Variants in C6orf89 observed in about 807,000 individuals in gnomAD.
C6orf89 encodes bombesin receptor-activated protein C6orf89.
C6orf89 carries 29 observed loss-of-function variants against 40.7 expected under a neutral mutation model. The ratio of observed to expected loss-of-function variants is 0.71; its 90% confidence interval spans 0.53 to 0.97. C6orf89 has a LOEUF of 0.97. Among genes scored for constraint, C6orf89 ranks in the 50% least tolerant of loss-of-function variants. C6orf89 has a pLI of 0.00. For synonymous variants in C6orf89, 165 were observed against 152.2 expected (o/e 1.08, Z -0.62); for missense variants, 392 against 429.1 (o/e 0.91, Z 0.76).
At chr6:36,888,959 A>C (rs1775094691) in intron 1 of C6orf89, among the ~76,000 whole-genome samples, 1 of 152,210 alleles carries the variant, frequency 6.6e-6, no homozygotes, top group African/African-American at 2.4e-5. Flanking sequence ...TTATAGACAC[A>C]TTACATACAG....
Position 36,927,576 on chromosome 6 carries a change from C to A in C6orf89, c.*4135C>A, listed in dbSNP as rs946864026. 6.6e-6 allele frequency: 1 copy of A among 152,352 alleles called. No individual in the cohort carries two copies. The highest frequency in any genetic ancestry group is 2.1e-4 in the South Asian group (1 of 4,834). The allele number at this position is 152,352 out of a possible 1,614,324, so 9.4% of individuals were successfully genotyped here. A position where few individuals can be genotyped will look rare whatever the true frequency, so the allele number is the denominator to read the frequency against. On this transcript the variant is annotated 3_prime_UTR_variant, in exon 9 of 9. Coordinates refer to ENST00000480824, the MANE Select transcript of C6orf89 (RefSeq NM_001286635.2). ...AGCTCTCTTGAGTATACAAGTTCCA[C>A]ACTCATTACCTTTCAGTGGTGACCC... is the stretch of plus-strand genomic sequence containing the variant.
chr6:36,917,669 A>G (rs1762373866), intron 7 of C6orf89, among the ~76,000 whole-genome samples: 2 of 152,182 alleles, frequency 1.3e-5, no homozygotes, highest in Admixed American at 6.5e-5. Flanking sequence ...TCTAGAAGTA[A>G]GAAGTTCTGT....
At chr6:36,890,598 A>ATC (rs751368506) in intron 1 of C6orf89, among the ~76,000 whole-genome samples, 8 of 152,162 alleles carry the variant, frequency 5.3e-5, no homozygotes, top group Non-Finnish European at 1.2e-4. Flanking sequence ...CCATGATGTG[A>ATC]TCTCTGCTCA....
intron 1 of C6orf89, among the ~76,000 whole-genome samples, chr6:36,893,389 T>C (rs1316346418): frequency 1.3e-5 from 2 of 152,110 alleles, no homozygotes; most frequent in East Asian, 1.9e-4. Context: ...ACGACTGATA[T>C]AACCAAAGCC....
intron 3 of C6orf89, among the ~76,000 whole-genome samples, chr6:36,901,321 ATTT>A (rs60381134): frequency 1.6e-4 from 3 of 19,014 alleles, no homozygotes; most frequent in African/African-American, 1.7e-4. Context: ...TATTATTATT[ATTT>A]TTTTTTTTTT....
intron 1 of C6orf89, chr6:36,874,581 GGCCGTCT>G: frequency 8.3e-7 from 1 of 1,198,200 alleles, no homozygotes; most frequent in South Asian, 1.3e-5. Context: ...ACCCTCTGGG[GGCCGTCT>G]CGGCCGCTGC....
At chr6:36,891,425 G>C (rs996557417) in intron 1 of C6orf89, among the ~76,000 whole-genome samples, 4 of 152,122 alleles carry the variant, frequency 2.6e-5, no homozygotes, top group African/African-American at 7.2e-5. Context: ...CCAAGTCTTT[G>C]CTATTTGTGA....
rs544352662 is a variant in C6orf89, at chr6:36,927,441, A to G, written c.*4000A>G. The G allele has an allele frequency of 6.6e-6, 1 of 152,344 alleles. No individual in the cohort carries two copies. The highest frequency in any genetic ancestry group is 1.9e-4 in the East Asian group (1 of 5,186). The allele number at this position is 152,344 out of a possible 1,614,324, so 9.4% of individuals were successfully genotyped here. A position where few individuals can be genotyped will look rare whatever the true frequency, so the allele number is the denominator to read the frequency against. On this transcript the variant is annotated 3_prime_UTR_variant, in exon 9 of 9. Transcript: ENST00000480824. ...CCAGGTTATAGGAGAAAGAGAGAGA[A>G]AGGCGCATGTCTGTTTGCACAGAGA...
At chr6:36,877,572 G>A (rs572884233) in intron 1 of C6orf89, among the ~76,000 whole-genome samples, 1 of 152,062 alleles carries the variant, frequency 6.6e-6, no homozygotes, top group Non-Finnish European at 1.5e-5. Flanking sequence ...CTTGTGATCT[G>A]CCCACCTTGG....
chr6:36,909,028 G>T (rs565854274), intron 4 of C6orf89, among the ~76,000 whole-genome samples: 4 of 152,068 alleles, frequency 2.6e-5, no homozygotes, highest in Non-Finnish European at 5.9e-5. Context: ...TACATCTGTG[G>T]CCACCCTATC....
chr6:36,910,706 G>A (rs577363516), intron 4 of C6orf89, among the ~76,000 whole-genome samples: 16 of 150,398 alleles, frequency 1.1e-4, no homozygotes, highest in African/African-American at 3.2e-4. Flanking sequence ...CAGCCTGGGC[G>A]ACAGAGCAAG....
At position 36,878,327 on chromosome 6, in the gene C6orf89, A is replaced by G. The variant is rs78637052; in HGVS notation, c.-627-681A>G. ...CTCTGTAGCTATAGCATTAGTCTGAACCCAGTAGTATTTTGTTTGCAGATT... is the reference window on the plus strand; with the variant it reads ...CTCTGTAGCTATAGCATTAGTCTGAGCCCAGTAGTATTTTGTTTGCAGATT... On this transcript the variant is annotated intron_variant, in intron 1 of 9. Coordinates refer to the C6orf89 transcript ENST00000359359. 0.023 allele frequency among the ~76,000 whole-genome samples: 3,489 copies of G among 152,286 alleles called. 225 individuals carry two copies. In the East Asian group the frequency reaches 0.26, roughly 11 times the overall value.
intron 4 of C6orf89, among the ~76,000 whole-genome samples, chr6:36,912,831 A>G (rs1185171590): frequency 6.6e-6 from 1 of 152,244 alleles, no homozygotes; most frequent in Non-Finnish European, 1.5e-5. Flanking sequence ...CCTATGCCCC[A>G]CTACTACTGC....
chr6:36,894,428 G>A (rs1761348915), intron 1 of C6orf89, 76 bp from the exon 2 acceptor site: 2 of 512,738 alleles, frequency 3.9e-6, no homozygotes, highest in Non-Finnish European at 2.5e-6. Context: ...CAGGAAAATG[G>A]CATCTCAGAA....
intron 1 of C6orf89, among the ~76,000 whole-genome samples, chr6:36,891,248 G>A (rs1010006934): frequency 4.6e-5 from 7 of 152,094 alleles, no homozygotes; most frequent in African/African-American, 1.7e-4. Context: ...ACGGTGTTTG[G>A]TTTTCTGTCC....
chr6:36,920,856 T>A (rs891880879), intron 8 of C6orf89, among the ~76,000 whole-genome samples: 1 of 152,222 alleles, frequency 6.6e-6, no homozygotes, highest in Non-Finnish European at 1.5e-5. Flanking sequence ...AACAAGTTTC[T>A]GTTTTATATT....
chr6:36,872,531 T>C lies in C6orf89; in HGVS notation c.-628+564T>C, dbSNP rs555875127. ...TTTCCTCACCAGTACTACTAAAAGA[T>C]AAGGAAGAGGCAAGAGAAAGGACGA... is the stretch of plus-strand genomic sequence containing the variant. On this transcript the variant is annotated intron_variant, in intron 1 of 9. Transcript: ENST00000359359. Among the ~76,000 whole-genome samples the C allele has an allele frequency of 9.2e-5, 14 of 152,188 alleles. No homozygotes were observed. The South Asian group carries it at 2.7e-3, about 29-fold the overall frequency.
At chr6:36,880,543 C>T (rs917219014) in intron 2 of C6orf89, among the ~76,000 whole-genome samples, 1 of 152,094 alleles carries the variant, frequency 6.6e-6, no homozygotes, top group East Asian at 1.9e-4. Context: ...CCTCTTGGTT[C>T]ATGTAACTTT....
intron 6 of C6orf89, among the ~76,000 whole-genome samples, chr6:36,915,247 T>C (rs1323370284): frequency 6.6e-6 from 1 of 152,216 alleles, no homozygotes; most frequent in Non-Finnish European, 1.5e-5. Flanking sequence ...TTTCGAAGTA[T>C]GCATTTAGCA....
Sources: gnomAD v4.1 joint callset for allele counts (sites outside exome capture counted in the v4.1 genomes callset) on GRCh38, gnomAD v4.1.1 for gene constraint, MANE v1.5 for transcripts, NCBI Gene and HGNC (gene_info 2026-07-23, HGNC 2026-07-21) for gene names.